Variants in GPHN observed in about 807,000 individuals in gnomAD.
The protein encoded by GPHN is gephyrin.
Under a neutral mutation model 95.5 loss-of-function variants are expected in GPHN, and 17 were observed. The observed-to-expected ratio is 0.18, with a 90% confidence interval of 0.12 to 0.27. GPHN has a LOEUF of 0.27. Ranked by LOEUF, GPHN falls within the 10% of genes least tolerant of loss-of-function variation. The pLI is 1.00. For missense variants in GPHN, 660 were observed against 978.1 expected (o/e 0.67, Z 4.34); for synonymous variants, 320 against 322.5 (o/e 0.99, Z 0.08).
intron 16 of GPHN, among the ~76,000 whole-genome samples, chr14:67,121,492 T>A (rs1273642933): frequency 3.3e-5 from 5 of 152,174 alleles, no homozygotes; most frequent in Admixed American, 3.3e-4. Context: ...ATTATTACTA[T>A]ATTTTATAAA....
chr14:67,385,178 G>A, the GPHN span: 55 of 152,274 alleles, frequency 3.6e-4, no homozygotes, highest in Admixed American at 3.1e-3. Flanking sequence ...AAACTTAAAA[G>A]TATTCATACA....
intron 1 of GPHN, among the ~76,000 whole-genome samples, chr14:66,638,455 G>C (rs945260313): frequency 6.6e-6 from 1 of 151,886 alleles, no homozygotes; most frequent in African/African-American, 2.4e-5. Flanking sequence ...GAACAACAAC[G>C]ACAACAACAA....
At chr14:66,616,701 G>A (rs2063053473) in intron 1 of GPHN, among the ~76,000 whole-genome samples, 2 of 151,988 alleles carry the variant, frequency 1.3e-5, no homozygotes, top group African/African-American at 4.8e-5. Context: ...TAGGGGCATG[G>A]GGAACAGGAC....
intron 9 of GPHN, among the ~76,000 whole-genome samples, chr14:66,975,296 A>T (rs10142297): frequency 0.01 from 1,565 of 152,302 alleles, 27 homozygotes; most frequent in African/African-American, 0.035. Context: ...TCTTAATCAA[A>T]CTCAGTAACT....
At chr14:67,487,992 T>G in the GPHN span, among the ~76,000 whole-genome samples, 1 of 152,244 alleles carries the variant, frequency 6.6e-6, no homozygotes, top group Non-Finnish European at 1.5e-5. Context: ...TCCAACATTT[T>G]TTGTTTTAAT....
Position 66,543,156 on chromosome 14 carries a change from G to A in GPHN, c.64+34565G>A, listed in dbSNP as rs142900107. Reference sequence around the variant, plus strand: ...ATTAATTCATGAGAACTATACCCCTGTGATCCAATCACCCCCTACCAGGCC... The same window carrying A: ...ATTAATTCATGAGAACTATACCCCTATGATCCAATCACCCCCTACCAGGCC... On this transcript the variant is annotated intron_variant, in intron 1 of 22. Transcript: ENST00000478722. 5.5e-3 allele frequency among the ~76,000 whole-genome samples: 842 copies of A among 152,242 alleles called. 11 individuals are homozygous for A. The highest frequency in any genetic ancestry group is 8.8e-3 in the Non-Finnish European group (601 of 68,000).
At chr14:67,458,733 T>A in the GPHN span, among the ~76,000 whole-genome samples, 4 of 152,258 alleles carry the variant, frequency 2.6e-5, no homozygotes, top group South Asian at 8.3e-4. Context: ...ATTTTTTGGT[T>A]TGGTTTGAGG....
intron 1 of GPHN, among the ~76,000 whole-genome samples, chr14:66,612,768 T>C (rs2062838270): frequency 6.6e-6 from 1 of 152,108 alleles, no homozygotes. Flanking sequence ...TCTTCACCTT[T>C]TGTTTTACCT....
the GPHN span, chr14:67,208,231 G>C: frequency 6.2e-7 from 1 of 1,613,866 alleles, no homozygotes; most frequent in Non-Finnish European, 8.5e-7. Context: ...TGAAGCCTGG[G>C]TGTTTACAAG....
At chr14:66,551,470 C>T (rs1309380453) in intron 1 of GPHN, among the ~76,000 whole-genome samples, 1 of 152,166 alleles carries the variant, frequency 6.6e-6, no homozygotes, top group East Asian at 1.9e-4. Flanking sequence ...GGTAACCTTT[C>T]CTATACTTGA....
At chr14:67,045,063 TA>T (rs377686520) in intron 10 of GPHN, among the ~76,000 whole-genome samples, 147 of 152,272 alleles carry the variant, frequency 9.7e-4, no homozygotes, top group African/African-American at 3.3e-3. Flanking sequence ...GACCCAACCC[TA>T]AAATCTGGGT....
At chr14:66,593,824 C>G (rs1432268804) in intron 1 of GPHN, among the ~76,000 whole-genome samples, 1 of 152,044 alleles carries the variant, frequency 6.6e-6, no homozygotes, top group African/African-American at 2.4e-5. Context: ...CTAACCAGAA[C>G]AGTTAGGCAA....
the GPHN span, chr14:67,569,830 A>G: frequency 1.3e-6 from 1 of 796,938 alleles, no homozygotes. Context: ...CTGCTCCTGG[A>G]GGGAATGCCA....
chr14:66,545,740 C>T (rs1255076941), intron 1 of GPHN, among the ~76,000 whole-genome samples: 2 of 139,026 alleles, frequency 1.4e-5, no homozygotes, highest in Non-Finnish European at 3.1e-5. Context: ...GGGGGGCTGA[C>T]CCCCCCACCT....
chr14:67,062,237 T>C (rs2075853987), intron 11 of GPHN, among the ~76,000 whole-genome samples: 1 of 152,228 alleles, frequency 6.6e-6, no homozygotes. Flanking sequence ...GAGCAAACCT[T>C]TATAGTTTGT....
the GPHN span, among the ~76,000 whole-genome samples, chr14:67,512,723 C>A: frequency 6.6e-6 from 1 of 152,124 alleles, no homozygotes. Flanking sequence ...TCATCGGAGA[C>A]CCTCCTCAGA....
the GPHN span, chr14:67,562,378 A>AG: frequency 1.9e-6 from 3 of 1,613,552 alleles, no homozygotes; most frequent in Non-Finnish European, 2.5e-6. Context: ...CTGGGGAAAC[A>AG]GTAGAGGCCA....
chr14:67,029,125 T>C (rs2074063016), intron 10 of GPHN, among the ~76,000 whole-genome samples: 1 of 152,166 alleles, frequency 6.6e-6, no homozygotes, highest in South Asian at 2.1e-4. Context: ...GAAGACACCT[T>C]TTCTCTGATG....
chr14:67,421,555 A>G, the GPHN span, among the ~76,000 whole-genome samples: 1 of 152,100 alleles, frequency 6.6e-6, no homozygotes, highest in Admixed American at 6.6e-5. Flanking sequence ...AAAAGTGATG[A>G]CGGCAGCAAG....
Sources: gnomAD v4.1 joint callset for allele counts (sites outside exome capture counted in the v4.1 genomes callset) on GRCh38, gnomAD v4.1.1 for gene constraint, MANE v1.5 for transcripts, NCBI Gene and HGNC (gene_info 2026-07-23, HGNC 2026-07-21) for gene names.